RBMS3: variants seen among roughly 807,000 people sequenced by gnomAD.
RBMS3 encodes RNA-binding motif, single-stranded-interacting protein 3.
In RBMS3, 27 loss-of-function variants were observed where a neutral mutation model predicts 66.8. The ratio of observed to expected loss-of-function variants is 0.40; its 90% CI spans 0.30 to 0.56. RBMS3 has a LOEUF of 0.56. Ranked by LOEUF, RBMS3 falls within the 20% of genes least tolerant of loss-of-function variation. The pLI is 0.40. For synonymous variants in RBMS3, 188 were observed against 183.0 expected (o/e 1.03, Z -0.22); for missense variants, 513 against 549.5 (o/e 0.93, Z 0.66).
At chr3:29,567,406 T>C (rs564640049) in intron 3 of RBMS3, among the ~76,000 whole-genome samples, 170 of 152,286 alleles carry the variant, frequency 1.1e-3, no homozygotes, top group African/African-American at 3.6e-3. Flanking sequence ...TTCTTCACAC[T>C]CATGCTTACT....
chr3:29,595,889 T>C (rs763770058), intron 4 of RBMS3, among the ~76,000 whole-genome samples: 63 of 152,296 alleles, frequency 4.1e-4, no homozygotes, highest in Non-Finnish European at 7.5e-4. Flanking sequence ...CTTCTTATGA[T>C]ACTAGGAGGA....
chr3:29,929,004 T>A (rs2149675017), intron 10 of RBMS3, among the ~76,000 whole-genome samples: 1 of 152,256 alleles, frequency 6.6e-6, no homozygotes, highest in Non-Finnish European at 1.5e-5. Flanking sequence ...CTCTAAACAA[T>A]TAATATTTCC....
intron 6 of RBMS3, among the ~76,000 whole-genome samples, chr3:29,818,942 G>T (rs1260920540): frequency 6.6e-6 from 1 of 152,112 alleles, no homozygotes; most frequent in Non-Finnish European, 1.5e-5. Context: ...TAACTAAAAT[G>T]CAAAGAAGTG....
At chr3:29,511,993 A>C (rs2044431406) in intron 3 of RBMS3, among the ~76,000 whole-genome samples, 1 of 152,096 alleles carries the variant, frequency 6.6e-6, no homozygotes, top group Non-Finnish European at 1.5e-5. Context: ...ATGCAATTAA[A>C]ATCTTATGTT....
intron 1 of RBMS3, among the ~76,000 whole-genome samples, chr3:29,285,769 A>G (rs934000896): frequency 9.2e-5 from 14 of 152,176 alleles, no homozygotes; most frequent in African/African-American, 3.4e-4. Flanking sequence ...CTGAAGCACA[A>G]TTGATTGTGC....
At chr3:29,434,670 T>C in intron 1 of RBMS3, 73 bp from the exon 2 acceptor site, 1 of 1,549,242 alleles carries the variant, frequency 6.5e-7, no homozygotes, top group East Asian at 2.3e-5. Flanking sequence ...TTACATTGAT[T>C]TCAAGTTGTG....
chr3:29,737,340 A>G (rs927855969), intron 4 of RBMS3, among the ~76,000 whole-genome samples: 6 of 152,220 alleles, frequency 3.9e-5, no homozygotes, highest in Non-Finnish European at 8.8e-5. Flanking sequence ...GAAAAATTTT[A>G]AAATAAGTAA....
chr3:29,707,783 T>C (rs916995322), intron 4 of RBMS3, among the ~76,000 whole-genome samples: 1 of 152,194 alleles, frequency 6.6e-6, no homozygotes, highest in Non-Finnish European at 1.5e-5. Context: ...AGGGTAGGAA[T>C]GGAAAGACTA....
In RBMS3 at chr3:29,813,654, G is replaced by C. The variant is rs576789149; in HGVS notation, c.637+50665G>C. 9.9e-5 allele frequency among the ~76,000 whole-genome samples: 15 copies of C among 151,360 alleles called. No homozygotes were observed. In the East Asian group the frequency reaches 2.7e-3, roughly 27 times the overall value. ...ATTTGTTTCTATCCTCTTTTTTTTC[G>C]TTGAGCCGTGGTTTGTAGTTCTCCT... On this transcript the variant is annotated intron_variant, in intron 6 of 14. Transcript: ENST00000383767.
intron 3 of RBMS3, among the ~76,000 whole-genome samples, chr3:29,528,550 C>A (rs74760367): frequency 0.052 from 7,885 of 152,184 alleles, 349 homozygotes; most frequent in African/African-American, 0.12. Context: ...TTAGAATGCT[C>A]CTGACCTTAG....
rs1184713685 is a variant in RBMS3, at chr3:29,851,128, T to A, written c.638-17730T>A. Among the ~76,000 whole-genome samples the A allele has an allele frequency of 2.0e-5, 3 of 152,252 alleles. No homozygotes were observed. In the East Asian group the frequency reaches 5.8e-4, roughly 29 times the overall value. On this transcript the variant is annotated intron_variant, in intron 6 of 14. Transcript: ENST00000383767. Reference sequence around the variant, plus strand: ...CTCCTTACATTACCTTATCTTTTTTTAGCACTTCACAATTGAAGTTTTATT... The same window carrying A: ...CTCCTTACATTACCTTATCTTTTTTAAGCACTTCACAATTGAAGTTTTATT...
chr3:29,924,604 A>AG (rs35557478), intron 10 of RBMS3: 132,409 of 152,102 alleles, frequency 0.87, 57,749 homozygotes, highest in East Asian at 0.99. Context: ...TTGGGAGGCC[A>AG]GGGGGCGGAT....
chr3:29,297,655 C>G (rs1318784324), intron 1 of RBMS3, among the ~76,000 whole-genome samples: 1 of 151,864 alleles, frequency 6.6e-6, no homozygotes, highest in East Asian at 1.9e-4. Flanking sequence ...ACCATATAGT[C>G]TGAGATGAAT....
chr3:29,364,329 AG>A (rs1240041958), intron 1 of RBMS3, among the ~76,000 whole-genome samples: 11 of 152,304 alleles, frequency 7.2e-5, no homozygotes, highest in African/African-American at 2.6e-4. Context: ...AGGGTGATAA[AG>A]GGGAGAAGAA....
chr3:29,520,900 A>G (rs2044831160), intron 3 of RBMS3, among the ~76,000 whole-genome samples: 1 of 152,118 alleles, frequency 6.6e-6, no homozygotes, highest in African/African-American at 2.4e-5. Flanking sequence ...GTCAAGGTTC[A>G]TGTCAAAACT....
chr3:29,345,313 TG>T (rs2036509746), intron 1 of RBMS3, among the ~76,000 whole-genome samples: 2 of 152,254 alleles, frequency 1.3e-5, no homozygotes, highest in South Asian at 4.1e-4. Context: ...AATTGTCTCT[TG>T]AAAACTCATG....
At chr3:29,865,171 G>T (rs1330301121) in intron 6 of RBMS3, among the ~76,000 whole-genome samples, 1 of 149,802 alleles carries the variant, frequency 6.7e-6, no homozygotes, top group African/African-American at 2.5e-5. Flanking sequence ...AAGTAAGGGA[G>T]CCAGACTTCA....
At chr3:29,637,409 G>T (rs920794555) in intron 4 of RBMS3, among the ~76,000 whole-genome samples, 4 of 151,878 alleles carry the variant, frequency 2.6e-5, no homozygotes, top group African/African-American at 9.7e-5. Context: ...AAAGGGAAAT[G>T]AAAGGATCCT....
In RBMS3 at chr3:29,988,252, T is replaced by G. The variant is rs768156066; in HGVS notation, c.1179+29T>G. The stretch of plus-strand genomic sequence containing the variant: ...AGTCTACCCCTGTCTAATAAAGAGG[T>G]TAGAAGAAATAAATCTCAGTCACAT... On this transcript the variant is annotated intron_variant, in intron 13 of 14. Transcript: ENST00000383767. 2.6e-6 allele frequency: 4 copies of G among 1,551,176 alleles called. No individual in the cohort carries two copies. The East Asian group carries it at 9.0e-5, about 35-fold the overall frequency.
Sources: allele counts gnomAD v4.1 joint callset (sites outside exome capture counted in the v4.1 genomes callset), GRCh38; gene constraint gnomAD v4.1.1; transcripts MANE v1.5; gene names NCBI Gene and HGNC (gene_info 2026-07-23, HGNC 2026-07-21).